Variants in GRAMD1B observed in about 807,000 individuals in gnomAD.
GRAMD1B encodes the protein GRAM domain containing 1B.
In GRAMD1B, 37 loss-of-function variants were observed where a neutral mutation model predicts 99.7. That is an observed-to-expected ratio of 0.37 (90% CI 0.29 to 0.49). The LOEUF is 0.49. Among genes scored for constraint, GRAMD1B ranks in the 20% least tolerant of loss-of-function variants. The probability of loss-of-function intolerance (pLI) is 0.98; values close to 1 mark genes in which losing one functional copy is unlikely to be tolerated. For missense variants in GRAMD1B, 888 were observed against 1,009.2 expected (o/e 0.88, Z 1.63); for synonymous variants, 427 against 387.6 (o/e 1.10, Z -1.19).
chr11:123,609,432 G>A (rs987096598), intron 12 of GRAMD1B, among the ~76,000 whole-genome samples: 2 of 152,162 alleles, frequency 1.3e-5, no homozygotes, highest in Admixed American at 1.3e-4. Context: ...CACGCTGAGG[G>A]CACGGGGAGG....
chr11:123,501,523 A>G lies in GRAMD1B; in HGVS notation c.452+20630A>G, dbSNP rs147324612. Among the ~76,000 whole-genome samples, 492 of 152,272 alleles carry G rather than the reference A, an allele frequency of 3.2e-3. 1 individual carries two copies. The highest frequency in any genetic ancestry group is 5.0e-3 in the Admixed American group (76 of 15,302). On this transcript the variant is annotated intron_variant, in intron 2 of 19. Coordinates refer to ENST00000635736, the MANE Select transcript of GRAMD1B (RefSeq NM_001387025.1). ...CTTACTTCTCCTCCAGCAAAGAAAC[A>G]TGATTATCAAGGCACTGGGGACCCT...
chr11:123,510,953 G>A lies in GRAMD1B; in HGVS notation c.452+30060G>A, dbSNP rs144674710. ...TGGGTGGATGAGGGGTGCAGGGTGGGGGGTGGAGGTATCTGTAGCTTTCAT... is the reference window on the plus strand; with the variant it reads ...TGGGTGGATGAGGGGTGCAGGGTGGAGGGTGGAGGTATCTGTAGCTTTCAT... On this transcript the variant is annotated intron_variant, in intron 2 of 19. Coordinates refer to ENST00000635736, the MANE Select transcript of GRAMD1B (RefSeq NM_001387025.1). This position sits in a 1 kb window ranked among gnomAD's most constrained non-coding sequence, Gnocchi z 4.3. Among the ~76,000 whole-genome samples, 964 of 152,240 alleles carry A rather than the reference G, an allele frequency of 6.3e-3. 5 individuals carry two copies. Among genetic ancestry groups the A allele is most frequent in the African/African-American group, 0.021 (890 of 41,538 alleles).
At chr11:123,452,193 G>A (rs1447690953) in intron 1 of GRAMD1B, among the ~76,000 whole-genome samples, 1 of 152,160 alleles carries the variant, frequency 6.6e-6, no homozygotes, top group African/African-American at 2.4e-5. Flanking sequence ...GTGAACAAAT[G>A]TAAAAATTTA....
At chr11:123,426,115 C>A (rs535377494), upstream of GRAMD1B, among the ~76,000 whole-genome samples, 1 of 152,298 alleles carries the variant, frequency 6.6e-6, no homozygotes, top group South Asian at 2.1e-4. Context: ...CAGGTCAGCT[C>A]AAACAGACTT....
intron 1 of GRAMD1B, among the ~76,000 whole-genome samples, chr11:123,413,936 A>G (rs1164379670): frequency 6.6e-6 from 1 of 152,174 alleles, no homozygotes; most frequent in Non-Finnish European, 1.5e-5. Context: ...TCAAGTCATC[A>G]TTTATTCAAG....
chr11:123,618,600 C>A, intron 17 of GRAMD1B, 93 bp from the exon 18 acceptor site: 1 of 837,416 alleles, frequency 1.2e-6, no homozygotes, highest in Non-Finnish European at 2.1e-6. Flanking sequence ...GGATGGCCCA[C>A]CGGTCAGGGA....
chr11:123,554,662 A>T (rs1945992859), intron 2 of GRAMD1B, among the ~76,000 whole-genome samples: 1 of 152,186 alleles, frequency 6.6e-6, no homozygotes, highest in Admixed American at 6.5e-5. Context: ...GTGAGCCGAG[A>T]TTGTGCCACT....
chr11:123,439,173 A>T (rs553771828), intron 1 of GRAMD1B, among the ~76,000 whole-genome samples: 42 of 152,260 alleles, frequency 2.8e-4, no homozygotes, highest in African/African-American at 1.0e-3. Flanking sequence ...TGGAGCCTGG[A>T]AGGAAGTGTC....
At chr11:123,383,014 T>C (rs985750420) in intron 1 of GRAMD1B, among the ~76,000 whole-genome samples, 1 of 152,160 alleles carries the variant, frequency 6.6e-6, no homozygotes, top group Non-Finnish European at 1.5e-5. Context: ...GCCAGCCTCC[T>C]GGGTCACAGA....
intron 1 of GRAMD1B, among the ~76,000 whole-genome samples, chr11:123,389,800 C>CA (rs1322504994): frequency 3.3e-5 from 5 of 152,122 alleles, no homozygotes; most frequent in Non-Finnish European, 7.4e-5. Context: ...GGCTGGAGTG[C>CA]AGTGGTACAA....
At chr11:123,373,201 A>C (rs528870602) in intron 1 of GRAMD1B, among the ~76,000 whole-genome samples, 1 of 152,150 alleles carries the variant, frequency 6.6e-6, no homozygotes, top group African/African-American at 2.4e-5. Flanking sequence ...TTACCCTAAA[A>C]TTTCACTGGT....
chr11:123,536,426 A>G (rs1943966309), intron 2 of GRAMD1B, among the ~76,000 whole-genome samples: 2 of 152,318 alleles, frequency 1.3e-5, no homozygotes, highest in South Asian at 2.1e-4. Context: ...AAAAATATGT[A>G]AATAAATGAA....
intron 1 of GRAMD1B, among the ~76,000 whole-genome samples, chr11:123,476,063 G>C (rs1271265014): frequency 6.6e-6 from 1 of 152,038 alleles, no homozygotes; most frequent in African/African-American, 2.4e-5. Context: ...TTATTTCATG[G>C]GATTGAGTGG....
At chr11:123,613,743 C>A in intron 16 of GRAMD1B, 85 bp downstream of exon 16, 3 of 876,850 alleles carry the variant, frequency 3.4e-6, no homozygotes, top group South Asian at 1.6e-5. Context: ...CATGCACACT[C>A]ATTTTGCACC....
At chr11:123,469,813 T>TTCCC (rs1591629007) in intron 1 of GRAMD1B, among the ~76,000 whole-genome samples, 1 of 148,304 alleles carries the variant, frequency 6.7e-6, no homozygotes, top group Admixed American at 6.8e-5. Flanking sequence ...CCTTCCTTCC[T>TTCCC]CTCTTTTTCT....
intron 19 of GRAMD1B, chr11:123,619,529 C>T: frequency 8.3e-7 from 1 of 1,200,566 alleles, no homozygotes; most frequent in Non-Finnish European, 1.1e-6. Context: ...AACCATCTGA[C>T]AGGCATTTAA....
chr11:123,405,424 C>T (rs142095335), intron 1 of GRAMD1B, among the ~76,000 whole-genome samples: 9 of 152,182 alleles, frequency 5.9e-5, no homozygotes, highest in East Asian at 3.9e-4. Flanking sequence ...GAGGGGCCAG[C>T]GGGAGATAAA....
At chr11:123,563,502 T>C (rs1464508158) in intron 2 of GRAMD1B, among the ~76,000 whole-genome samples, 1 of 151,614 alleles carries the variant, frequency 6.6e-6, no homozygotes, top group African/African-American at 2.4e-5. Context: ...ACAGAGGGTT[T>C]TTTCTTTTTT....
chr11:123,440,851 T>G (rs1176374611), intron 1 of GRAMD1B, among the ~76,000 whole-genome samples: 1 of 152,176 alleles, frequency 6.6e-6, no homozygotes, highest in Non-Finnish European at 1.5e-5. Context: ...TCCCACATGT[T>G]GTGGGAGGGA....
Sources: gnomAD v4.1 joint callset for allele counts (sites outside exome capture counted in the v4.1 genomes callset) on GRCh38, gnomAD v4.1.1 for gene constraint, Gnocchi (gnomAD v3.1) non-coding constraint, MANE v1.5 for transcripts, NCBI Gene and HGNC (gene_info 2026-07-23, HGNC 2026-07-21) for gene names.